The following ADK variants were observed in gnomAD, a reference collection of about 807,000 sequenced individuals.
The protein encoded by ADK is adenosine kinase.
In ADK, 24 loss-of-function variants were observed where a neutral mutation model predicts 44.7. That is an observed-to-expected ratio of 0.54 (90% CI 0.39 to 0.76). The LOEUF (loss-of-function observed/expected upper bound fraction) is 0.76. Among genes scored for constraint, ADK ranks in the 30% least tolerant of loss-of-function variants. ADK has a pLI of 0.00. For synonymous variants in ADK, 128 were observed against 142.6 expected, an observed-to-expected ratio of 0.90 and a Z score of 0.73; for missense variants, 321 against 425.1, an observed-to-expected ratio of 0.76 and a Z score of 2.15.
chr10:74,591,639 A>G (rs910008921), intron 8 of ADK, among the ~76,000 whole-genome samples: 1 of 152,186 alleles, frequency 6.6e-6, no homozygotes, highest in Non-Finnish European at 1.5e-5. Context: ...ACAAAAATAA[A>G]TCACTTTATC....
chr10:74,634,236 G>A (rs906429457), intron 9 of ADK, among the ~76,000 whole-genome samples: 1 of 151,248 alleles, frequency 6.6e-6, no homozygotes, highest in African/African-American at 2.4e-5. Context: ...GACGAGTCTC[G>A]CCCTGCCTTC....
chr10:74,673,496 G>A (rs985975400), intron 10 of ADK, among the ~76,000 whole-genome samples: 1 of 152,186 alleles, frequency 6.6e-6, no homozygotes, highest in South Asian at 2.1e-4. Context: ...AGCAGGTGCA[G>A]GAGCTGGGCT....
chr10:74,353,385 C>T (rs1211107031), intron 4 of ADK, among the ~76,000 whole-genome samples: 1 of 151,898 alleles, frequency 6.6e-6, no homozygotes, highest in Non-Finnish European at 1.5e-5. Context: ...GGGAATGGAG[C>T]ATAACATACC....
intron 1 of ADK, among the ~76,000 whole-genome samples, chr10:74,199,843 C>G (rs1843309974): frequency 6.6e-6 from 1 of 151,974 alleles, no homozygotes; most frequent in African/African-American, 2.4e-5. Flanking sequence ...CTACACCTGG[C>G]TAATTTTTGT....
intron 7 of ADK, among the ~76,000 whole-genome samples, chr10:74,545,898 T>C (rs976589597): frequency 6.6e-6 from 1 of 152,204 alleles, no homozygotes; most frequent in Non-Finnish European, 1.5e-5. Context: ...AGAATTCTTA[T>C]ATTACAGCAT....
chr10:74,547,760 G>A (rs756778979), intron 7 of ADK, among the ~76,000 whole-genome samples: 4 of 152,180 alleles, frequency 2.6e-5, no homozygotes, highest in Non-Finnish European at 5.9e-5. Flanking sequence ...CTGGATTGAA[G>A]CAATTCTCCT....
intron 7 of ADK, among the ~76,000 whole-genome samples, chr10:74,579,069 A>T (rs914535858): frequency 6.6e-6 from 1 of 152,018 alleles, no homozygotes; most frequent in Non-Finnish European, 1.5e-5. Flanking sequence ...CCCCATCTCT[A>T]CTGAAAATAC....
At chr10:74,527,289 A>G (rs922461503) in intron 7 of ADK, among the ~76,000 whole-genome samples, 12 of 152,056 alleles carry the variant, frequency 7.9e-5, no homozygotes, top group Non-Finnish European at 1.6e-4. Context: ...TGAACCCAGG[A>G]GGCGGAGCTT....
At chr10:74,624,413 A>G (rs1249707917) in intron 9 of ADK, among the ~76,000 whole-genome samples, 1 of 152,046 alleles carries the variant, frequency 6.6e-6, no homozygotes, top group African/African-American at 2.4e-5. Flanking sequence ...TTTAATAAAC[A>G]ATTCTAAAAT....
chr10:74,331,450 T>C (rs1339887925), intron 4 of ADK, among the ~76,000 whole-genome samples: 1 of 152,196 alleles, frequency 6.6e-6, no homozygotes, highest in Admixed American at 6.6e-5. Flanking sequence ...ATAGAATCAG[T>C]GGCAATACTA....
At chr10:74,433,552 T>C (rs1410452537) in intron 6 of ADK, among the ~76,000 whole-genome samples, 1 of 152,098 alleles carries the variant, frequency 6.6e-6, no homozygotes, top group Non-Finnish European at 1.5e-5. Context: ...TTATTAGACA[T>C]GTGAAAATAG....
chr10:74,204,532 A>G (rs1177119039), intron 2 of ADK, among the ~76,000 whole-genome samples: 1 of 152,200 alleles, frequency 6.6e-6, no homozygotes, highest in African/African-American at 2.4e-5. Context: ...ATAAATGTGT[A>G]AATTTGACTT....
At chr10:74,243,189 G>A (rs1845289671) in intron 3 of ADK, among the ~76,000 whole-genome samples, 2 of 152,172 alleles carry the variant, frequency 1.3e-5, no homozygotes, top group Admixed American at 6.5e-5. Flanking sequence ...GGGTTTTGGG[G>A]TCGTGGGCAC....
chr10:74,668,823 A>G (rs550293288), intron 9 of ADK, among the ~76,000 whole-genome samples: 1 of 152,290 alleles, frequency 6.6e-6, no homozygotes, highest in South Asian at 2.1e-4. Context: ...GCTCGAGCAC[A>G]GGAGTTTGAA....
intron 6 of ADK, among the ~76,000 whole-genome samples, chr10:74,433,182 A>G (rs1845058822): frequency 6.6e-6 from 1 of 152,220 alleles, no homozygotes; most frequent in Non-Finnish European, 1.5e-5. Context: ...AAATGTCATA[A>G]TCTCATTCAT....
intron 7 of ADK, among the ~76,000 whole-genome samples, chr10:74,574,074 T>C (rs564850114): frequency 2.4e-4 from 36 of 152,190 alleles, no homozygotes; most frequent in African/African-American, 8.4e-4. Context: ...CAAATGGAAA[T>C]GCAGAAATCA....
At chr10:74,585,076 T>A (rs1424268987) in intron 7 of ADK, among the ~76,000 whole-genome samples, 2 of 152,230 alleles carry the variant, frequency 1.3e-5, no homozygotes, top group Admixed American at 1.3e-4. Flanking sequence ...ATTGTGCTTT[T>A]TAATAGTGGC....
chr10:74,239,493 T>C (rs1169074065), intron 3 of ADK, among the ~76,000 whole-genome samples: 3 of 152,012 alleles, frequency 2.0e-5, no homozygotes, highest in Non-Finnish European at 4.4e-5. Flanking sequence ...AGTGGATCAC[T>C]TGAGCCCAGC....
At chr10:74,331,763 G>A (rs1841226319) in intron 4 of ADK, among the ~76,000 whole-genome samples, 1 of 152,206 alleles carries the variant, frequency 6.6e-6, no homozygotes, top group Admixed American at 6.5e-5. Context: ...AGGGATTATA[G>A]GCGTGAGCCA....
Sources: allele counts gnomAD v4.1 joint callset (sites outside exome capture counted in the v4.1 genomes callset), GRCh38; gene constraint gnomAD v4.1.1; transcripts MANE v1.5; gene names NCBI Gene and HGNC (gene_info 2026-07-23, HGNC 2026-07-21).